The following CSGALNACT1 variants were observed in gnomAD, a reference collection of about 807,000 sequenced individuals.
CSGALNACT1 encodes the protein beta4GalNAcT-1.
In CSGALNACT1, 52 loss-of-function variants were observed where a neutral mutation model predicts 51.0. The observed-to-expected ratio is 1.02, with a 90% CI of 0.82 to 1.29. CSGALNACT1 has a LOEUF of 1.29. CSGALNACT1 is among the 50% of genes most tolerant of loss of function. The pLI, the probability that CSGALNACT1 is intolerant of heterozygous loss-of-function variation, is 0.00. For synonymous variants in CSGALNACT1, 341 were observed against 254.4 expected (o/e 1.34, Z -3.24); for missense variants, 935 against 679.2 (o/e 1.38, Z -4.19).
At chr8:19,443,278 G>C (rs1349997935) in intron 5 of CSGALNACT1, among the ~76,000 whole-genome samples, 2 of 152,180 alleles carry the variant, frequency 1.3e-5, no homozygotes, top group Admixed American at 1.3e-4. Context: ...GAATATATGT[G>C]CATGTAAATG....
At position 19,648,210 on chromosome 8, in the gene CSGALNACT1, C is replaced by CA. The variant is rs1449308361; in HGVS notation, c.-544+34262dup. 2.6e-5 allele frequency among the ~76,000 whole-genome samples: 4 copies of CA among 152,316 alleles called. No individual in the cohort carries two copies. In the South Asian group the frequency reaches 8.3e-4, roughly 32 times the overall value. On this transcript the variant is annotated intron_variant, in intron 1 of 9. Transcript: ENST00000332246. ...AAAGCATTAAGTGTTATCTCCCTAC[C>CA]ACTCAATCTGTTCCAAAGAATCTAG... is the stretch of plus-strand genomic sequence containing the variant.
intron 3 of CSGALNACT1, among the ~76,000 whole-genome samples, chr8:19,520,143 C>T (rs763647051): frequency 6.6e-6 from 1 of 152,192 alleles, no homozygotes; most frequent in Non-Finnish European, 1.5e-5. Flanking sequence ...GATATGAGCA[C>T]ACAAATGAGG....
intron 1 of CSGALNACT1, among the ~76,000 whole-genome samples, chr8:19,695,376 A>C (rs546066297): frequency 1.3e-5 from 2 of 152,256 alleles, no homozygotes; most frequent in East Asian, 1.9e-4. Context: ...TGTGGGTCTC[A>C]TCCTGGGTCT....
At chr8:19,474,835 C>A (rs1317114098) in intron 4 of CSGALNACT1, among the ~76,000 whole-genome samples, 1 of 133,536 alleles carries the variant, frequency 7.5e-6, no homozygotes, top group Non-Finnish European at 1.5e-5. Flanking sequence ...CCATTGCATT[C>A]CAGCCTGGGC....
intron 3 of CSGALNACT1, among the ~76,000 whole-genome samples, chr8:19,537,556 T>C (rs1329690309): frequency 1.3e-5 from 2 of 152,228 alleles, no homozygotes; most frequent in Non-Finnish European, 2.9e-5. Flanking sequence ...TCAAAGTGTC[T>C]GCTTTTGGCT....
chr8:19,471,952 A>G (rs1261640720), intron 4 of CSGALNACT1, among the ~76,000 whole-genome samples: 1 of 152,130 alleles, frequency 6.6e-6, no homozygotes, highest in African/African-American at 2.4e-5. Context: ...AAACAACTCC[A>G]CAGATCTCTT....
chr8:19,509,621 CAAAAAAAAAAAAAA>C (rs755422032), intron 3 of CSGALNACT1, among the ~76,000 whole-genome samples: 1 of 56,962 alleles, frequency 1.8e-5, no homozygotes, highest in Non-Finnish European at 3.2e-5. Flanking sequence ...GACTCTGTCT[CAAAAAAAAAAAAAA>C]AAAAAAAAAA....
At chr8:19,729,757 G>A (rs2063588283) in intron 1 of CSGALNACT1, among the ~76,000 whole-genome samples, 1 of 151,922 alleles carries the variant, frequency 6.6e-6, no homozygotes, top group Non-Finnish European at 1.5e-5. Context: ...TTTATCCTCT[G>A]CTTTGACCAC....
intron 3 of CSGALNACT1, among the ~76,000 whole-genome samples, chr8:19,520,928 C>A (rs2080540898): frequency 6.6e-6 from 1 of 152,172 alleles, no homozygotes; most frequent in Non-Finnish European, 1.5e-5. Flanking sequence ...AAGCACCATG[C>A]CACATGGCTT....
chr8:19,655,504 C>T (rs1357941514), intron 1 of CSGALNACT1, among the ~76,000 whole-genome samples: 1 of 152,000 alleles, frequency 6.6e-6, no homozygotes, highest in Non-Finnish European at 1.5e-5. Flanking sequence ...GGAACTAAGG[C>T]ATGTGCCACC....
intron 4 of CSGALNACT1, among the ~76,000 whole-genome samples, chr8:19,459,669 CCCACAGGTT>C (rs1344977631): frequency 1.3e-5 from 2 of 152,116 alleles, no homozygotes; most frequent in East Asian, 3.9e-4. Context: ...AAATCCTGGC[CCCACAGGTT>C]TGCTTTGAAA....
At chr8:19,663,252 AG>A (rs1249824958) in intron 1 of CSGALNACT1, among the ~76,000 whole-genome samples, 1 of 152,110 alleles carries the variant, frequency 6.6e-6, no homozygotes, top group Non-Finnish European at 1.5e-5. Flanking sequence ...CCATGACCCT[AG>A]GGTCAGGCTT....
chr8:19,724,817 T>C lies in CSGALNACT1; in HGVS notation c.-297+33033A>G, dbSNP rs187968468. On this transcript the variant is annotated intron_variant, in intron 1 of 1. Transcript: ENST00000517494. ...GACACAGTGCATCCTCTGCGTGTTGTTGCCATGTGTCATGACCTTTCAGGG... is the reference window on the plus strand; with the variant it reads ...GACACAGTGCATCCTCTGCGTGTTGCTGCCATGTGTCATGACCTTTCAGGG... Among the ~76,000 whole-genome samples the C allele has an allele frequency of 5.9e-5, 9 of 152,352 alleles. 1 individual carries two copies. The South Asian group carries it at 1.2e-3, about 21-fold the overall frequency.
intron 4 of CSGALNACT1, among the ~76,000 whole-genome samples, chr8:19,497,188 G>A (rs1205829001): frequency 6.6e-6 from 1 of 152,136 alleles, no homozygotes; most frequent in African/African-American, 2.4e-5. Context: ...CTTCCCTCCT[G>A]CCCTGCACAG....
intron 1 of CSGALNACT1, among the ~76,000 whole-genome samples, chr8:19,703,656 G>T (rs2061999605): frequency 6.6e-6 from 1 of 152,100 alleles, no homozygotes; most frequent in Admixed American, 6.6e-5. Flanking sequence ...TGGAGAGTTG[G>T]TTACTACTGA....
At chr8:19,610,398 G>A (rs1024161199) in intron 1 of CSGALNACT1, among the ~76,000 whole-genome samples, 1 of 151,844 alleles carries the variant, frequency 6.6e-6, no homozygotes, top group Non-Finnish European at 1.5e-5. Context: ...CCTCGGTGAG[G>A]ACAGGCATTT....
At position 19,505,550 on chromosome 8, in the gene CSGALNACT1, A is replaced by G. The variant is rs990144671; in HGVS notation, c.285T>C (p.Asn95=). 3 of 1,613,698 alleles carry G rather than the reference A, an allele frequency of 1.9e-6. No individual in the cohort carries two copies. In the South Asian group the frequency reaches 3.3e-5, roughly 18 times the overall value. The change falls in exon 4 of 10, where the codon AAT becomes AAC. Residue 95 remains asparagine (N), a synonymous_variant. Coordinates refer to ENST00000454498, the Ensembl canonical transcript of CSGALNACT1. ...CAGCATCGCTGGCTTGGTACTGCCC[A>G]TTCCTGAGCTGCTCACTCCTCTCCT...
At chr8:19,581,908 A>C (rs957837545) in intron 3 of CSGALNACT1, among the ~76,000 whole-genome samples, 2 of 152,214 alleles carry the variant, frequency 1.3e-5, no homozygotes, top group Non-Finnish European at 2.9e-5. Context: ...TAACAAATTT[A>C]TTCTGACTTT....
At chr8:19,702,941 A>G (rs2061963503) in intron 1 of CSGALNACT1, among the ~76,000 whole-genome samples, 1 of 151,314 alleles carries the variant, frequency 6.6e-6, no homozygotes, top group Non-Finnish European at 1.5e-5. Flanking sequence ...TTCTTCCCCT[A>G]CACCCCTCTT....
Sources: gnomAD v4.1 joint callset for allele counts (sites outside exome capture counted in the v4.1 genomes callset) on GRCh38, gnomAD v4.1.1 for gene constraint, MANE v1.5 for transcripts, NCBI Gene and HGNC (gene_info 2026-07-23, HGNC 2026-07-21) for gene names.